The following LRRC8D variants were observed in gnomAD, a reference collection of about 807,000 sequenced individuals.
LRRC8D encodes volume-regulated anion channel subunit LRRC8D.
LRRC8D carries 20 observed loss-of-function variants against 55.8 expected under a neutral mutation model. That is an observed-to-expected ratio of 0.36 (90% confidence interval 0.25 to 0.52). The LOEUF is 0.52. LRRC8D is among the 20% of genes least tolerant of loss of function. LRRC8D has a pLI of 0.93. For synonymous variants in LRRC8D, 352 were observed against 377.0 expected (o/e 0.93, Z 0.77); for missense variants, 651 against 1,030.8 (o/e 0.63, Z 5.05).
rs556814388 is a variant in LRRC8D, at chr1:89,856,332, T to A, written c.-3+12550T>A. On this transcript the variant is annotated intron_variant, in intron 2 of 2. Coordinates refer to ENST00000337338, the MANE Select transcript of LRRC8D (RefSeq NM_001134479.2). ...GGCATCTGCTACAGTAATCTCTCTC[T>A]CTCACACACACACACACTCTCAGGT... Among the ~76,000 whole-genome samples the A allele has an allele frequency of 2.6e-5, 4 of 152,188 alleles. No homozygotes were observed. The East Asian group carries it at 7.7e-4, about 29-fold the overall frequency.
chr1:89,907,836 A>C (rs576878957), intron 2 of LRRC8D, among the ~76,000 whole-genome samples: 4 of 152,212 alleles, frequency 2.6e-5, no homozygotes. Flanking sequence ...TGATTTCTTC[A>C]AGAGATTGAA....
At chr1:89,893,276 G>T (rs868238914) in intron 2 of LRRC8D, among the ~76,000 whole-genome samples, 1 of 152,206 alleles carries the variant, frequency 6.6e-6, no homozygotes, top group Non-Finnish European at 1.5e-5. Context: ...ATGAGCACGT[G>T]CAGAGGTCCT....
At chr1:89,829,370 CT>C (rs1373842875) in intron 1 of LRRC8D, among the ~76,000 whole-genome samples, 1 of 152,202 alleles carries the variant, frequency 6.6e-6, no homozygotes, top group East Asian at 1.9e-4. Flanking sequence ...TATTCCCACT[CT>C]ACGGATGAGG....
chr1:89,843,909 T>C, intron 2 of LRRC8D, 127 bp downstream of exon 2: 1 of 510,956 alleles, frequency 2.0e-6, no homozygotes, highest in Non-Finnish European at 3.5e-6. Flanking sequence ...CACCACTGGC[T>C]TCTCACCCGG....
rs547153314 is a variant in LRRC8D, at chr1:89,881,326, G to T, written c.-3+37544G>T. On this transcript the variant is annotated intron_variant, in intron 2 of 2. Transcript: ENST00000337338. ...AGTGCAAGGTTTTCCAGCTGAGGGT[G>T]GGGAGGAGATTTCTAAAGAAAGGAG... 8.5e-5 allele frequency among the ~76,000 whole-genome samples: 13 copies of T among 152,256 alleles called. No homozygotes were observed. In the East Asian group the frequency reaches 2.3e-3, roughly 27 times the overall value.
chr1:89,912,674 C>T (rs1224837429), intron 2 of LRRC8D, among the ~76,000 whole-genome samples: 6 of 152,094 alleles, frequency 3.9e-5, no homozygotes, highest in African/African-American at 1.4e-4. Flanking sequence ...AGTTATCATT[C>T]TATCATGTTA....
At chr1:89,822,112 T>G (rs887509942) in intron 1 of LRRC8D, 2 of 152,752 alleles carry the variant, frequency 1.3e-5, no homozygotes, top group Non-Finnish European at 2.9e-5. Context: ...CCCTTGCAGA[T>G]AAATGAGATT....
intron 2 of LRRC8D, among the ~76,000 whole-genome samples, chr1:89,866,282 C>G (rs1016584365): frequency 6.6e-6 from 1 of 152,154 alleles, no homozygotes; most frequent in African/African-American, 2.4e-5. Context: ...ATCAGCACCC[C>G]AGGAGTACTG....
chr1:89,848,218 C>T (rs899177527), intron 2 of LRRC8D, among the ~76,000 whole-genome samples: 1 of 152,178 alleles, frequency 6.6e-6, no homozygotes, highest in Non-Finnish European at 1.5e-5. Context: ...ATTTTCCCTA[C>T]AATACTTCTG....
At chr1:89,894,731 T>C (rs961367539) in intron 2 of LRRC8D, among the ~76,000 whole-genome samples, 1 of 152,230 alleles carries the variant, frequency 6.6e-6, no homozygotes, top group Non-Finnish European at 1.5e-5. Context: ...CTTACTATTA[T>C]TGGAATGTGA....
chr1:89,906,014 G>A (rs916576887), intron 2 of LRRC8D, among the ~76,000 whole-genome samples: 8 of 152,198 alleles, frequency 5.3e-5, no homozygotes, highest in Admixed American at 5.2e-4. Context: ...CTCTACAATT[G>A]TATTTGAACA....
Position 89,836,306 on chromosome 1 carries a change from TAAAG to T in LRRC8D, c.-147-7328_-147-7325del, listed in dbSNP as rs1661004442. Among the ~76,000 whole-genome samples the T allele has an allele frequency of 2.0e-5, 3 of 152,222 alleles. No homozygotes were observed. The South Asian group carries it at 6.2e-4, about 32-fold the overall frequency. ...CAAGGGATAAGCTATTTCTCAACATTAAAGAAATTAGAAATTATAATTTATGCTT... is the reference window on the plus strand; with the variant it reads ...CAAGGGATAAGCTATTTCTCAACATTAAATTAGAAATTATAATTTATGCTT... On this transcript the variant is annotated intron_variant, in intron 1 of 2. Transcript: ENST00000337338.
At chr1:89,926,526 AAC>A (rs1018908191) in intron 2 of LRRC8D, among the ~76,000 whole-genome samples, 10 of 152,250 alleles carry the variant, frequency 6.6e-5, no homozygotes, top group African/African-American at 2.4e-4. Flanking sequence ...AGCCAAGGAC[AAC>A]AGTGAGGAGT....
At chr1:89,928,385 TA>T in intron 2 of LRRC8D, among the ~76,000 whole-genome samples, 1 of 152,288 alleles carries the variant, frequency 6.6e-6, no homozygotes, top group East Asian at 1.9e-4. Context: ...AACACATTAT[TA>T]TTAGACAACA....
At chr1:89,828,793 A>G (rs184699259) in intron 1 of LRRC8D, among the ~76,000 whole-genome samples, 1 of 152,106 alleles carries the variant, frequency 6.6e-6, no homozygotes, top group East Asian at 1.9e-4. Context: ...GCTTGCTGGT[A>G]ATAGTTAGGA....
At chr1:89,872,143 C>G (rs1447115036) in intron 2 of LRRC8D, among the ~76,000 whole-genome samples, 4 of 152,214 alleles carry the variant, frequency 2.6e-5, no homozygotes, top group African/African-American at 9.6e-5. Context: ...TCTTTTGGGA[C>G]AAGTGCCATA....
chr1:89,847,387 T>C (rs547121489), intron 2 of LRRC8D, among the ~76,000 whole-genome samples: 1 of 152,080 alleles, frequency 6.6e-6, no homozygotes, highest in South Asian at 2.1e-4. Context: ...AGAGAGGAAA[T>C]GAGAGCTCAT....
intron 2 of LRRC8D, among the ~76,000 whole-genome samples, chr1:89,866,050 T>G (rs1292025376): frequency 6.6e-6 from 1 of 152,234 alleles, no homozygotes; most frequent in Admixed American, 6.5e-5. Context: ...AAACCTTTGC[T>G]CTACAATACC....
intron 2 of LRRC8D, among the ~76,000 whole-genome samples, chr1:89,887,826 C>A (rs899916425): frequency 6.6e-6 from 1 of 152,126 alleles, no homozygotes; most frequent in Non-Finnish European, 1.5e-5. Flanking sequence ...CATTCTTCTT[C>A]TTATTTTCTT....
Sources: gnomAD v4.1 joint callset for allele counts (sites outside exome capture counted in the v4.1 genomes callset) on GRCh38, gnomAD v4.1.1 for gene constraint, MANE v1.5 for transcripts, NCBI Gene and HGNC (gene_info 2026-07-23, HGNC 2026-07-21) for gene names.